ZNF778: variants seen among roughly 807,000 people sequenced by gnomAD.
ZNF778 encodes zinc finger protein 778.
A neutral mutation model predicts 23.9 loss-of-function variants in ZNF778; 37 were observed. The observed-to-expected ratio is 1.54, with a 90% confidence interval of 1.19 to 2.03. ZNF778 has a LOEUF of 2.03. Among genes scored for constraint, ZNF778 ranks in the 30% most tolerant of loss-of-function variants. The pLI is 0.00. For missense variants in ZNF778, 1,297 were observed against 934.4 expected (o/e 1.39, Z -5.06); for synonymous variants, 483 against 343.9 (o/e 1.40, Z -4.48).
intron 6 of ZNF778, among the ~76,000 whole-genome samples, chr16:89,225,916 C>T (rs1453966655): frequency 6.9e-6 from 1 of 145,402 alleles, no homozygotes; most frequent in Non-Finnish European, 1.5e-5. Flanking sequence ...GTGCAGGATT[C>T]TTTTTTTTTT....
intron 6 of ZNF778, among the ~76,000 whole-genome samples, chr16:89,225,877 G>A (rs568166110): frequency 2.6e-5 from 4 of 151,282 alleles, no homozygotes; most frequent in Non-Finnish European, 4.4e-5. Context: ...TGTTTTGTGC[G>A]CACAGACTTT....
rs1318119912 is a variant in ZNF778 at position 89,233,643 on chromosome 16, C to T, written c.*5081C>T. 6.1e-5 allele frequency: 70 copies of T among 1,142,170 alleles called. No individual in the cohort carries two copies. Among genetic ancestry groups the T allele is most frequent in the South Asian group, 4.0e-4 (29 of 71,742 alleles). The allele number at this position is 1,142,170 out of a possible 1,614,324, so 70.8% of individuals were successfully genotyped here. On this transcript the variant is annotated 3_prime_UTR_variant, in exon 7 of 7. Transcript: ENST00000433976. Reference sequence around the variant, plus strand: ...AACTCACACTGTATGCAACTCAGCTCGCTCTGCATATGCAATTCAACTCGC... The same window carrying T: ...AACTCACACTGTATGCAACTCAGCTTGCTCTGCATATGCAATTCAACTCGC...
chr16:89,224,920 C>G, intron 5 of ZNF778, 118 bp downstream of exon 5: 1 of 725,292 alleles, frequency 1.4e-6, no homozygotes, highest in Non-Finnish European at 2.3e-6. Context: ...TGGGAGGATC[C>G]TGAGTGTCGA....
Position 89,230,175 on chromosome 16 carries a change from C to T in ZNF778, c.*1613C>T, listed in dbSNP as rs565182387. On this transcript the variant is annotated 3_prime_UTR_variant, in exon 7 of 7. Transcript: ENST00000433976. ...TTATGAAAATGCCCTTGTTCCTCTC[C>T]CATACCTGATCCCTTCAGATAAAAC... is the stretch of plus-strand genomic sequence containing the variant. 4.1e-6 allele frequency: 2 copies of T among 491,216 alleles called. No individual in the cohort carries two copies. The allele number at this position is 491,216 out of a possible 1,614,324, so 30.4% of individuals were successfully genotyped here. A position where few individuals can be genotyped will look rare whatever the true frequency, so the allele number is the denominator to read the frequency against.
In ZNF778 at chr16:89,222,201, T is replaced by G. The variant is rs764097985; in HGVS notation, c.117+18T>G. On this transcript the variant is annotated intron_variant, in intron 3 of 6. Transcript: ENST00000433976. ...GTTACCAGGTATGCCAAAACTGTAT[T>G]TTTTCTTAAAATAACATACTGGTAT... The G allele has an allele frequency of 6.3e-7, 1 of 1,580,552 alleles. No homozygotes were observed. The highest frequency in any genetic ancestry group is 1.4e-5 in the African/African-American group (1 of 73,696).
chr16:89,219,060 TC>T, intron 1 of ZNF778, among the ~76,000 whole-genome samples: 1 of 151,930 alleles, frequency 6.6e-6, no homozygotes, highest in Non-Finnish European at 1.5e-5. Context: ...TGAGCCAAGA[TC>T]GTGCCATTGC....
chr16:89,234,328 C>G lies in ZNF778; in HGVS notation c.*5766C>G. The G allele has an allele frequency of 3.0e-6, 1 of 328,670 alleles. No homozygotes were observed. The highest frequency in any genetic ancestry group is 2.5e-5 in the South Asian group (1 of 40,050). 20.4% of individuals were successfully genotyped at this position (328,670 alleles called of 1,614,324 possible). On this transcript the variant is annotated 3_prime_UTR_variant, in exon 7 of 7. Coordinates refer to ENST00000433976, the MANE Select transcript of ZNF778 (RefSeq NM_001201407.2). ...TCCTGGGCAGTTTTATTCTTTCTCT[C>G]TACTCGTTCAACCTTCTTAGGGAGT...
rs767293025 is a variant in ZNF778 at position 89,230,415 on chromosome 16, A to T, written c.*1853A>T. Reference sequence around the variant, plus strand: ...GCAGAGCGGTCCTGGCAGCTGCTGCAATCTGGCACTCCTGGGGCAGCTGCT... The same window carrying T: ...GCAGAGCGGTCCTGGCAGCTGCTGCTATCTGGCACTCCTGGGGCAGCTGCT... On this transcript the variant is annotated 3_prime_UTR_variant, in exon 7 of 7. Coordinates refer to ENST00000433976, the MANE Select transcript of ZNF778 (RefSeq NM_001201407.2). The T allele has an allele frequency of 6.6e-6, 1 of 152,264 alleles. No individual in the cohort carries two copies. Among genetic ancestry groups the T allele is most frequent in the Non-Finnish European group, 1.5e-5 (1 of 68,042 alleles). The allele number at this position is 152,264 out of a possible 1,614,324, so 9.4% of individuals were successfully genotyped here. A position where few individuals can be genotyped will look rare whatever the true frequency, so the allele number is the denominator to read the frequency against.
intron 1 of ZNF778, among the ~76,000 whole-genome samples, chr16:89,219,513 C>A (rs7202536): frequency 1.3e-5 from 2 of 152,160 alleles, no homozygotes; most frequent in African/African-American, 4.8e-5. Context: ...GTCCTGGTTC[C>A]AAGCCCCAGC....
intron 3 of ZNF778, 84 bp downstream of exon 3, chr16:89,222,267 C>T (rs1026566455): frequency 1.1e-5 from 12 of 1,060,388 alleles, no homozygotes; most frequent in Non-Finnish European, 1.5e-5. Context: ...GACTTGTCTG[C>T]ACAGCCTCAC....
At position 89,227,333 on chromosome 16, in the gene ZNF778, C is replaced by G; in HGVS notation, c.1045C>G (p.Leu349Val). 1 of 1,614,022 alleles carries G rather than the reference C, an allele frequency of 6.2e-7. No individual in the cohort carries two copies. Among genetic ancestry groups the G allele is most frequent in the Non-Finnish European group, 8.5e-7 (1 of 1,179,890 alleles). Residue 349 changes from leucine (L) to valine (V), a missense_variant, in exon 7 of 7, where the codon CTC (leucine) becomes GTC (valine). Coordinates refer to ENST00000433976, the MANE Select transcript of ZNF778 (RefSeq NM_001201407.2). ...AGAATGCGGAAAAGCCTTCACTGGA[C>G]TCTCAGGTCTTTCTAAACACGTCCA... Reference protein sequence around the residue: ...CKECGKAFTGLSGLSKHVQTD... With the variant: ...CKECGKAFTGVSGLSKHVQTD...
rs757211668 is a variant in ZNF778, at chr16:89,227,884, C to G, written c.1596C>G (p.Pro532=). ...KHMRTHTGEK[P]YECKDCGKAY... Reference sequence around the variant, plus strand: ...TGCGGACACACACCGGGGAGAAGCCCTATGAATGTAAGGACTGTGGGAAAG... The same window carrying G: ...TGCGGACACACACCGGGGAGAAGCCGTATGAATGTAAGGACTGTGGGAAAG... Residue 532 remains proline (P), a synonymous_variant, in exon 7 of 7, where the codon CCC becomes CCG. Coordinates refer to ENST00000433976, the MANE Select transcript of ZNF778 (RefSeq NM_001201407.2). The G allele has an allele frequency of 4.0e-5, 65 of 1,614,000 alleles. No individual in the cohort carries two copies. Among genetic ancestry groups the G allele is most frequent in the Non-Finnish European group, 5.4e-5 (64 of 1,180,006 alleles).
intron 6 of ZNF778, among the ~76,000 whole-genome samples, chr16:89,225,854 G>A (rs1377253196): frequency 6.6e-6 from 1 of 151,948 alleles, no homozygotes; most frequent in African/African-American, 2.4e-5. Context: ...ACGAGGTCTT[G>A]AGATCGCAGA....
Position 89,231,903 on chromosome 16 carries a change from C to T in ZNF778, c.*3341C>T, listed in dbSNP as rs200661180. On this transcript the variant is annotated 3_prime_UTR_variant, in exon 7 of 7. Coordinates refer to ENST00000433976, the MANE Select transcript of ZNF778 (RefSeq NM_001201407.2). ...ACATACTAACTGTTTGCTTCATACC[C>T]TCCTGCAGCAGAACTACAGACCTGC... 3.3e-5 allele frequency: 5 copies of T among 152,354 alleles called. No homozygotes were observed. Among genetic ancestry groups the T allele is most frequent in the Non-Finnish European group, 2.9e-5 (2 of 68,170 alleles). 9.4% of individuals were successfully genotyped at this position (152,354 alleles called of 1,614,324 possible). A position where few individuals can be genotyped will look rare whatever the true frequency, so the allele number is the denominator to read the frequency against.
Position 89,226,980 on chromosome 16 carries a change from G to C in ZNF778, c.692G>C (p.Gly231Ala), listed in dbSNP as rs199639888. 5.6e-4 allele frequency: 898 copies of C among 1,613,920 alleles called. 1 individual carries two copies. The highest frequency in any genetic ancestry group is 7.3e-4 in the Non-Finnish European group (857 of 1,179,914). ...AGATCTCTTGACTACAGCAGCTGTG[G>C]GGAAGTGTTCCTTAATCAGTCATAC... ...RDRSLDYSSC[G>A]EVFLNQSYLQ... is the part of the protein sequence containing the mutation. The change falls in exon 7 of 7, where the codon GGG becomes GCG. Residue 231 changes from glycine (G) to alanine (A), a missense_variant. Physicochemically the swap from Gly to Ala is moderately conservative, Grantham distance 60. Transcript: ENST00000433976.
intron 1 of ZNF778, among the ~76,000 whole-genome samples, chr16:89,220,737 G>A (rs1220579424): frequency 6.6e-6 from 1 of 152,218 alleles, no homozygotes; most frequent in Non-Finnish European, 1.5e-5. Context: ...AGTGGATGAT[G>A]TGGACCAGTT....
At position 89,226,865 on chromosome 16, in the gene ZNF778, A is replaced by T; in HGVS notation, c.577A>T (p.Ile193Phe). The change falls in exon 7 of 7, where the codon ATT becomes TTT. Residue 193 changes from isoleucine (I) to phenylalanine (F), a missense_variant. By Grantham distance (21) the Ile-to-Phe change is conservative. Coordinates refer to ENST00000433976, the MANE Select transcript of ZNF778 (RefSeq NM_001201407.2). ...FIPCQKTLFKIGEQFSVLGQC... is the reference protein window; with the variant it reads ...FIPCQKTLFKFGEQFSVLGQC... ...TCCATGCCAGAAAACCTTGTTCAAA[A>T]TTGGAGAGCAGTTTTCCGTGTTGGG... is the stretch of plus-strand genomic sequence containing the variant. 1 of 1,614,044 alleles carries T rather than the reference A, an allele frequency of 6.2e-7. No homozygotes were observed. Among genetic ancestry groups the T allele is most frequent in the Non-Finnish European group, 8.5e-7 (1 of 1,179,902 alleles).
At chr16:89,219,306 G>A (rs1453891026) in intron 1 of ZNF778, among the ~76,000 whole-genome samples, 1 of 152,106 alleles carries the variant, frequency 6.6e-6, no homozygotes, top group Admixed American at 6.5e-5. Flanking sequence ...TATTGACTTT[G>A]GTGTTGTTTT....
intron 5 of ZNF778, 142 bp from the exon 6 acceptor site, chr16:89,225,413 C>G (rs1348921935): frequency 1.2e-5 from 7 of 604,016 alleles, no homozygotes; most frequent in African/African-American, 3.7e-5. Context: ...AATTATGACT[C>G]CCAGTTCCTA....
Sources: gnomAD v4.1 joint callset for allele counts (sites outside exome capture counted in the v4.1 genomes callset) on GRCh38, gnomAD v4.1.1 for gene constraint, MANE v1.5 for transcripts, NCBI Gene and HGNC (gene_info 2026-07-23, HGNC 2026-07-21) for gene names.